SIN3A: variants seen among roughly 807,000 people sequenced by gnomAD.
SIN3A encodes the protein paired amphipathic helix protein Sin3a.
SIN3A carries 14 observed loss-of-function variants against 146.1 expected under a neutral mutation model. That is an observed-to-expected ratio of 0.10 (90% CI 0.06 to 0.15). The LOEUF (loss-of-function observed/expected upper bound fraction) is 0.15. SIN3A is among the 10% of genes least tolerant of loss of function. The probability of loss-of-function intolerance (pLI) is 1.00; values close to 1 mark genes in which losing one functional copy is unlikely to be tolerated. For missense variants in SIN3A, 1,028 were observed against 1,576.0 expected (o/e 0.65, Z 5.89); for synonymous variants, 572 against 572.0 (o/e 1.00, Z 0.00).
chr15:75,424,702 T>C (rs1044806323), intron 2 of SIN3A, among the ~76,000 whole-genome samples: 5 of 152,046 alleles, frequency 3.3e-5, no homozygotes, highest in Non-Finnish European at 5.9e-5. Flanking sequence ...CTTGAACTCT[T>C]GGGTATGGAG....
intron 1 of SIN3A, among the ~76,000 whole-genome samples, chr15:75,433,745 C>T (rs926967584): frequency 6.6e-6 from 1 of 151,920 alleles, no homozygotes; most frequent in African/African-American, 2.4e-5. Context: ...GGAGGCAGAG[C>T]TTGCAGTGAG....
Position 75,392,254 on chromosome 15 carries a change from G to A in SIN3A, c.2839C>T (p.Leu947Phe). The change falls in exon 15 of 21, where the codon CTC becomes TTC. Residue 947 changes from leucine (L) to phenylalanine (F), a missense_variant. By Grantham distance (22) the Leu-to-Phe change is conservative. This residue lies in a region of SIN3A where 488 missense variants were observed against 690.2 expected (regional missense o/e 0.71). Coordinates refer to ENST00000394947, the MANE Select transcript of SIN3A (RefSeq NM_001145358.2). ...KSDSPAIQLR[L>F]KEPMDVDVED... ...TCTCGGCACTCACTAGGTTCTTTGA[G>A]ACGTAGCTGAATGGCAGGGCTGTCA... is the stretch of plus-strand genomic sequence containing the variant. The A allele has an allele frequency of 6.2e-7, 1 of 1,613,110 alleles. No homozygotes were observed. The highest frequency in any genetic ancestry group is 8.5e-7 in the Non-Finnish European group (1 of 1,179,202).
chr15:75,443,328 A>T (rs2074249948), intron 1 of SIN3A, among the ~76,000 whole-genome samples: 1 of 152,166 alleles, frequency 6.6e-6, no homozygotes, highest in Non-Finnish European at 1.5e-5. Context: ...ATAGTATAAA[A>T]ATTACCATGT....
chr15:75,409,833 C>T lies in SIN3A; in HGVS notation c.1317+3G>A, dbSNP rs1475091627. The T allele has an allele frequency of 2.1e-5, 34 of 1,611,964 alleles. No individual in the cohort carries two copies. Among genetic ancestry groups the T allele is most frequent in the Non-Finnish European group, 2.5e-5 (30 of 1,179,762 alleles). ...AAAATGAGCAGCTGCTGCCCATTCT[C>T]ACCTTAACTGGAGGGGTGGTTCCTG... On this transcript the variant is annotated splice_donor_region_variant and intron_variant, in intron 8 of 20. Transcript: ENST00000394947.
In SIN3A at chr15:75,416,417, C is replaced by T. The variant is rs148477172; in HGVS notation, c.367-2106G>A. Among the ~76,000 whole-genome samples, 518 of 152,284 alleles carry T rather than the reference C, an allele frequency of 3.4e-3. 3 individuals are homozygous for T. Among genetic ancestry groups the T allele is most frequent in the African/African-American group, 0.012 (488 of 41,540 alleles). On this transcript the variant is annotated intron_variant, in intron 3 of 20. Transcript: ENST00000394947. ...CTTGGCTCACTGTAACCTCTGCCTC[C>T]GGGGTTCAAGCGATTCTCTTGCCTC...
chr15:75,407,990 T>A (rs555044813), intron 8 of SIN3A, among the ~76,000 whole-genome samples: 4 of 148,624 alleles, frequency 2.7e-5, no homozygotes, highest in Non-Finnish European at 5.9e-5. Flanking sequence ...CAGGCCATGA[T>A]ATAATCCTGT....
In SIN3A at chr15:75,402,052, G is replaced by T; in HGVS notation, c.1408-82C>A. 7 of 845,406 alleles carry T rather than the reference G, an allele frequency of 8.3e-6. No homozygotes were observed. In the East Asian group the frequency reaches 1.7e-4, roughly 21 times the overall value. The allele number at this position is 845,406 out of a possible 1,614,324, so 52.4% of individuals were successfully genotyped here. ...AAAAGGGCCTCGCTCTGTCGCCCAG[G>T]AGGAGGCGCAGTTGTGTAATCTCAG... On this transcript the variant is annotated intron_variant, in intron 9 of 20. Coordinates refer to ENST00000394947, the MANE Select transcript of SIN3A (RefSeq NM_001145358.2).
In SIN3A at chr15:75,443,371, T is replaced by C. The variant is rs189214042; in HGVS notation, c.-34+8052A>G. Among the ~76,000 whole-genome samples, 150 of 152,340 alleles carry C rather than the reference T, an allele frequency of 9.8e-4. 1 individual carries two copies. Among genetic ancestry groups the C allele is most frequent in the Non-Finnish European group, 1.8e-3 (124 of 68,034 alleles). ...CACCTAGATTCTCCAAATGTTAACA[T>C]CTTACATAATGTTTAAGATGGTATC... On this transcript the variant is annotated intron_variant, in intron 1 of 20. Transcript: ENST00000394947.
intron 2 of SIN3A, among the ~76,000 whole-genome samples, chr15:75,426,890 C>T (rs1462841693): frequency 5.3e-5 from 8 of 151,908 alleles, no homozygotes; most frequent in Admixed American, 5.3e-4. Flanking sequence ...TGAGATCATG[C>T]CACAGCCTTC....
At chr15:75,453,654 T>C (rs1033718737), upstream of SIN3A, 1 of 152,338 alleles carries the variant, frequency 6.6e-6, no homozygotes, top group Non-Finnish European at 1.5e-5. Context: ...GCCGCTGCCA[T>C]GCCTAGGAAA....
At chr15:75,431,159 TATC>T (rs2074007955) in intron 1 of SIN3A, among the ~76,000 whole-genome samples, 1 of 152,184 alleles carries the variant, frequency 6.6e-6, no homozygotes, top group Admixed American at 6.5e-5. Flanking sequence ...ATTATAATGG[TATC>T]ATGGAAAGAA....
chr15:75,429,943 C>G, intron 2 of SIN3A: 4 of 376,944 alleles, frequency 1.1e-5, no homozygotes, highest in Non-Finnish European at 1.9e-5. Context: ...AAGTTTAGAT[C>G]AGTGGCTACC....
At chr15:75,398,331 T>G (rs1303814007) in intron 12 of SIN3A, among the ~76,000 whole-genome samples, 3 of 152,192 alleles carry the variant, frequency 2.0e-5, no homozygotes, top group Non-Finnish European at 4.4e-5. Flanking sequence ...GTATGGGGCC[T>G]TCTACCACCT....
chr15:75,399,820 G>A (rs2073377524), intron 12 of SIN3A, among the ~76,000 whole-genome samples: 2 of 152,192 alleles, frequency 1.3e-5, no homozygotes. Flanking sequence ...TCAGTTAAAA[G>A]GGCTAAAGTG....
chr15:75,387,357 T>A (rs1237987454), intron 16 of SIN3A, among the ~76,000 whole-genome samples: 1 of 151,968 alleles, frequency 6.6e-6, no homozygotes, highest in Non-Finnish European at 1.5e-5. Context: ...AAACTCCATC[T>A]CTACAAAAAA....
In SIN3A at chr15:75,397,727, C is replaced by T. The variant is rs534577309; in HGVS notation, c.1855-1231G>A. On this transcript the variant is annotated intron_variant, in intron 12 of 20. Coordinates refer to ENST00000394947, the MANE Select transcript of SIN3A (RefSeq NM_001145358.2). ...AAATCTTAAACACATGCACACCCCACTTCTTTCATGTTTGCCCTTGTAGTC... is the reference window on the plus strand; with the variant it reads ...AAATCTTAAACACATGCACACCCCATTTCTTTCATGTTTGCCCTTGTAGTC... Among the ~76,000 whole-genome samples, 6 of 152,344 alleles carry T rather than the reference C, an allele frequency of 3.9e-5. No homozygotes were observed. In the South Asian group the frequency reaches 1.2e-3, roughly 32 times the overall value.
rs563799722 is a variant in SIN3A at position 75,407,765 on chromosome 15, C to T, written c.1318-621G>A. ...AAAATTAGCTGGGCGTGGTAGTGTG[C>T]GCCTATGGTCCCAGCTACTCAGGAG... On this transcript the variant is annotated intron_variant, in intron 8 of 20. Coordinates refer to ENST00000394947, the MANE Select transcript of SIN3A (RefSeq NM_001145358.2). Among the ~76,000 whole-genome samples the T allele has an allele frequency of 2.3e-4, 35 of 151,350 alleles. 1 individual carries two copies. The highest frequency in any genetic ancestry group is 3.2e-4 in the African/African-American group (13 of 41,160).
chr15:75,405,587 C>T (rs550762270), intron 9 of SIN3A, among the ~76,000 whole-genome samples: 2 of 151,770 alleles, frequency 1.3e-5, no homozygotes, highest in Non-Finnish European at 2.9e-5. Context: ...CCTGTCTCTA[C>T]TAAAAATGAA....
At chr15:75,384,897 A>C (rs773104443) in intron 16 of SIN3A, among the ~76,000 whole-genome samples, 2 of 152,128 alleles carry the variant, frequency 1.3e-5, no homozygotes, top group Non-Finnish European at 2.9e-5. Context: ...ACAATGCATC[A>C]GAAAGGTGGC....
Sources: allele counts gnomAD v4.1 joint callset (sites outside exome capture counted in the v4.1 genomes callset), GRCh38; gene constraint gnomAD v4.1.1; regional missense constraint gnomAD v4.1.1; transcripts MANE v1.5; gene names NCBI Gene and HGNC (gene_info 2026-07-23, HGNC 2026-07-21).